HYAL4: variants seen among roughly 807,000 people sequenced by gnomAD.
The protein encoded by HYAL4 is hyaluronidase 4, also known as hyaluronidase-4.
A neutral mutation model predicts 35.2 loss-of-function variants in HYAL4; 37 were observed. The ratio of observed to expected loss-of-function variants is 1.05; its 90% CI spans 0.81 to 1.38. The LOEUF is 1.38. HYAL4 is among the 40% of genes most tolerant of loss of function. HYAL4 has a pLI of 0.00. For synonymous variants in HYAL4, 198 were observed against 203.2 expected (o/e 0.97, Z 0.22); for missense variants, 572 against 572.4 (o/e 1.00, Z 0.01).
the HYAL4 span, among the ~76,000 whole-genome samples, chr7:123,809,351 C>G: frequency 6.6e-6 from 1 of 151,538 alleles, no homozygotes; most frequent in Non-Finnish European, 1.5e-5. Context: ...GCGTGCACTG[C>G]TTCCCTTGCA....
the HYAL4 span, among the ~76,000 whole-genome samples, chr7:123,770,854 T>C: frequency 1.3e-5 from 2 of 152,170 alleles, no homozygotes; most frequent in East Asian, 3.9e-4. Flanking sequence ...TGTCTTATTA[T>C]GAAGCAATTA....
At chr7:123,767,175 T>G in the HYAL4 span, among the ~76,000 whole-genome samples, 2 of 152,222 alleles carry the variant, frequency 1.3e-5, no homozygotes, top group East Asian at 3.8e-4. Flanking sequence ...TTGGCTTATT[T>G]TGTCCTCATA....
chr7:123,874,434 C>T (rs1430764111), intron 3 of HYAL4, among the ~76,000 whole-genome samples: 4 of 152,232 alleles, frequency 2.6e-5, no homozygotes, highest in East Asian at 3.9e-4. Context: ...GGCGGAGTCT[C>T]ACCCTGTCAT....
chr7:123,783,493 A>G, the HYAL4 span, among the ~76,000 whole-genome samples: 19 of 152,200 alleles, frequency 1.2e-4, no homozygotes, highest in Non-Finnish European at 2.2e-4. Context: ...AGAAGGAATT[A>G]CTCAGTTCTC....
At chr7:123,786,713 G>GCCATCTATCTAT in the HYAL4 span, among the ~76,000 whole-genome samples, 24 of 148,350 alleles carry the variant, frequency 1.6e-4, no homozygotes, top group Admixed American at 2.7e-4. Context: ...TGTATCACAT[G>GCCATCTATCTAT]CTATCTATCT....
chr7:123,773,164 A>G, the HYAL4 span, among the ~76,000 whole-genome samples: 1 of 151,942 alleles, frequency 6.6e-6, no homozygotes, highest in Non-Finnish European at 1.5e-5. Flanking sequence ...TTGCTTCTTT[A>G]TATTTTATAG....
In HYAL4 at chr7:123,871,484, G is replaced by A. The variant is rs575294483; in HGVS notation, c.954+2257G>A. ...TGGGATTTTAGGTGTGAGCCACTGC[G>A]CCCGGCCCCGCCCATAATTTTTTAA... On this transcript the variant is annotated intron_variant, in intron 3 of 4. Transcript: ENST00000223026. Among the ~76,000 whole-genome samples, 7 of 152,164 alleles carry A rather than the reference G, an allele frequency of 4.6e-5. No individual in the cohort carries two copies. In the East Asian group the frequency reaches 5.8e-4, roughly 13 times the overall value.
At chr7:123,824,612 C>G (rs1805774428), upstream of HYAL4, among the ~76,000 whole-genome samples, 2 of 152,136 alleles carry the variant, frequency 1.3e-5, no homozygotes. Flanking sequence ...ACACCATTCT[C>G]TGCTTTGAAC....
intron 2 of HYAL4, among the ~76,000 whole-genome samples, chr7:123,863,489 T>G (rs1806622002): frequency 6.6e-6 from 1 of 152,112 alleles, no homozygotes. Flanking sequence ...AACTATCATA[T>G]GATTTAGGTT....
upstream of HYAL4, among the ~76,000 whole-genome samples, chr7:123,843,824 G>T (rs1293645719): frequency 6.6e-6 from 1 of 151,816 alleles, no homozygotes; most frequent in Non-Finnish European, 1.5e-5. Flanking sequence ...TGAAGTTCTT[G>T]TGCCATGGTT....
At position 123,868,536 on chromosome 7, in the gene HYAL4, C is replaced by G; in HGVS notation, c.263C>G (p.Thr88Ser). The G allele has an allele frequency of 6.2e-7, 1 of 1,610,638 alleles. No homozygotes were observed. Among genetic ancestry groups the G allele is most frequent in the Non-Finnish European group, 8.5e-7 (1 of 1,179,266 alleles). Residue 88 changes from threonine (T) to serine (S), a missense_variant, in exon 3 of 5, where the codon ACT (threonine) becomes AGT (serine). Physicochemically the swap from Thr to Ser is moderately conservative, Grantham distance 58. Coordinates refer to ENST00000223026, the MANE Select transcript of HYAL4 (RefSeq NM_012269.3). Reference protein sequence around the residue: ...PLAKARGQNVTIFYVNRLGYY... With the variant: ...PLAKARGQNVSIFYVNRLGYY... ...GCCAAGGCCAGGGGGCAAAATGTCA[C>G]TATATTTTATGTCAACAGATTGGGA...
At chr7:123,771,082 T>C in the HYAL4 span, among the ~76,000 whole-genome samples, 1 of 152,152 alleles carries the variant, frequency 6.6e-6, no homozygotes, top group South Asian at 2.1e-4. Context: ...GTCCAGTTAG[T>C]TCTAAGCATC....
At chr7:123,781,943 A>T in the HYAL4 span, among the ~76,000 whole-genome samples, 1 of 152,004 alleles carries the variant, frequency 6.6e-6, no homozygotes, top group Non-Finnish European at 1.5e-5. Context: ...GTTTCACTTT[A>T]TATCCCAGGC....
the HYAL4 span, among the ~76,000 whole-genome samples, chr7:123,806,617 ATT>A: frequency 7.3e-6 from 1 of 136,784 alleles, no homozygotes. Flanking sequence ...GTAATTTTGT[ATT>A]TTTTTTTTTT....
At chr7:123,849,623 A>T (rs1351237301) in intron 2 of HYAL4, among the ~76,000 whole-genome samples, 7 of 152,132 alleles carry the variant, frequency 4.6e-5, no homozygotes, top group African/African-American at 1.7e-4. Context: ...TTTTAAAACA[A>T]TATACATAAA....
the HYAL4 span, among the ~76,000 whole-genome samples, chr7:123,822,661 A>G: frequency 5.3e-5 from 8 of 152,226 alleles, no homozygotes; most frequent in Non-Finnish European, 1.0e-4. Flanking sequence ...TACGTTGAAT[A>G]GAAGTGGTCA....
intron 3 of HYAL4, among the ~76,000 whole-genome samples, chr7:123,871,440 C>T (rs900988273): frequency 5.3e-5 from 8 of 152,120 alleles, no homozygotes; most frequent in African/African-American, 1.9e-4. Flanking sequence ...GATCCACCCG[C>T]CTTGGCCTCC....
At chr7:123,815,783 C>G in the HYAL4 span, among the ~76,000 whole-genome samples, 4 of 152,138 alleles carry the variant, frequency 2.6e-5, no homozygotes, top group African/African-American at 9.7e-5. Flanking sequence ...TACCTGAGAG[C>G]CAACAATACT....
the HYAL4 span, among the ~76,000 whole-genome samples, chr7:123,780,063 A>C: frequency 6.6e-6 from 1 of 152,196 alleles, no homozygotes; most frequent in Non-Finnish European, 1.5e-5. Context: ...GTTAAATTTG[A>C]ATTTGATTTC....
Sources: gnomAD v4.1 joint callset for allele counts (sites outside exome capture counted in the v4.1 genomes callset) on GRCh38, gnomAD v4.1.1 for gene constraint, MANE v1.5 for transcripts, NCBI Gene and HGNC (gene_info 2026-07-23, HGNC 2026-07-21) for gene names.